MICU1: variants seen among roughly 807,000 people sequenced by gnomAD.
MICU1 encodes mitochondrial calcium uptake 1.
In MICU1, 45 loss-of-function variants were observed where a neutral mutation model predicts 56.8. The ratio of observed to expected loss-of-function variants is 0.79; its 90% CI spans 0.62 to 1.02. The LOEUF is 1.02. MICU1 is among the 50% of genes least tolerant of loss of function. MICU1 has a pLI of 0.00. For missense variants in MICU1, 504 were observed against 587.1 expected, an observed-to-expected ratio of 0.86 and a Z score of 1.46; for synonymous variants, 186 against 195.1, an observed-to-expected ratio of 0.95 and a Z score of 0.39.
chr10:72,416,399 A>G (rs1863985100), intron 9 of MICU1, among the ~76,000 whole-genome samples: 1 of 152,162 alleles, frequency 6.6e-6, no homozygotes, highest in Non-Finnish European at 1.5e-5. Flanking sequence ...GGCACCTAAT[A>G]TTTGGAGTTA....
chr10:72,430,598 T>G (rs1441446294), intron 8 of MICU1, among the ~76,000 whole-genome samples: 2 of 152,212 alleles, frequency 1.3e-5, no homozygotes, highest in Non-Finnish European at 2.9e-5. Context: ...TCTCGCTCTG[T>G]TGCCCAGGCT....
At chr10:72,507,768 C>G (rs1258821374) in intron 6 of MICU1, among the ~76,000 whole-genome samples, 1 of 152,060 alleles carries the variant, frequency 6.6e-6, no homozygotes, top group Non-Finnish European at 1.5e-5. Flanking sequence ...ACTTCAGCCT[C>G]CTAAGTAGCT....
chr10:72,530,268 G>C (rs1033841523), intron 5 of MICU1, among the ~76,000 whole-genome samples: 6 of 150,280 alleles, frequency 4.0e-5, no homozygotes, highest in Admixed American at 6.6e-5. Flanking sequence ...AGGAGGCAGA[G>C]GTTGCAGTGG....
chr10:72,371,473 T>G (rs1431212247), intron 11 of MICU1, among the ~76,000 whole-genome samples: 2 of 150,648 alleles, frequency 1.3e-5, no homozygotes, highest in East Asian at 3.9e-4. Flanking sequence ...CCAGGCACGG[T>G]GCCTCACGCC....
intron 1 of MICU1, among the ~76,000 whole-genome samples, chr10:72,579,941 A>C (rs1473542336): frequency 6.6e-6 from 1 of 152,104 alleles, no homozygotes; most frequent in Non-Finnish European, 1.5e-5. Context: ...CAAAAATCAA[A>C]AAAAAAAAAA....
At chr10:72,576,793 A>C (rs1350876410) in intron 1 of MICU1, among the ~76,000 whole-genome samples, 1 of 152,088 alleles carries the variant, frequency 6.6e-6, no homozygotes, top group Non-Finnish European at 1.5e-5. Flanking sequence ...GGACAGGCTG[A>C]CTCTCTTGTT....
chr10:72,492,380 A>C (rs1336560751), intron 6 of MICU1, among the ~76,000 whole-genome samples: 1 of 152,232 alleles, frequency 6.6e-6, no homozygotes, highest in African/African-American at 2.4e-5. Context: ...TAGCGAGTGT[A>C]GTGAAAAATG....
rs1354104630 is a variant in MICU1, at chr10:72,475,199, G to T, written c.834C>A (p.Leu278=). 12 of 1,611,156 alleles carry T rather than the reference G, an allele frequency of 7.4e-6. No homozygotes were observed. In the South Asian group the frequency reaches 1.2e-4, roughly 16 times the overall value. ...NTLKSGLCSA[L]TTYFFGADLK... ...GATCAGCTCCAAAAAAGTAGGTTGT[G>T]AGGGCTGAACACAAGCCAGACTTGA... The change falls in exon 8 of 12, where the codon CTC becomes CTA. Residue 278 remains leucine (L), a synonymous_variant. Coordinates refer to ENST00000361114, the MANE Select transcript of MICU1 (RefSeq NM_001195518.2).
chr10:72,448,139 GTGTGTGTGTGTC>G lies in MICU1; in HGVS notation c.934-24780_934-24769del, dbSNP rs1278774479. The stretch of plus-strand genomic sequence containing the variant: ...TATATATATGTGTGTGTGTGTGTGT[GTGTGTGTGTGTC>G]TGTGTGTGTGTATATGTGTGTGTAT... On this transcript the variant is annotated intron_variant, in intron 8 of 11. Transcript: ENST00000361114. Among the ~76,000 whole-genome samples the G allele has an allele frequency of 4.5e-5, 6 of 133,068 alleles. No homozygotes were observed. The Admixed American group carries it at 4.7e-4, about 11-fold the overall frequency. The allele number at this position is 133,068 out of a possible 152,430, so 87.3% of individuals were successfully genotyped here.
chr10:72,385,078 C>CCT, intron 10 of MICU1, among the ~76,000 whole-genome samples: 1 of 152,230 alleles, frequency 6.6e-6, no homozygotes, highest in Non-Finnish European at 1.5e-5. Context: ...CGATGTAATT[C>CCT]TCTAGGTCCT....
intron 11 of MICU1, among the ~76,000 whole-genome samples, chr10:72,371,608 G>A (rs1048354135): frequency 6.6e-6 from 1 of 152,200 alleles, no homozygotes; most frequent in South Asian, 2.1e-4. Context: ...GCCAGGCGTG[G>A]TGGTGGGCAC....
At chr10:72,416,880 A>G (rs1863999060) in intron 9 of MICU1, among the ~76,000 whole-genome samples, 1 of 152,184 alleles carries the variant, frequency 6.6e-6, no homozygotes, top group South Asian at 2.1e-4. Context: ...GCCACCATAC[A>G]GAGGACATGC....
chr10:72,487,474 TGAC>T (rs1866512128), intron 6 of MICU1, among the ~76,000 whole-genome samples: 1 of 152,130 alleles, frequency 6.6e-6, no homozygotes, highest in African/African-American at 2.4e-5. Context: ...CAGCGTGTCC[TGAC>T]GACAAAGCAC....
At chr10:72,400,932 C>G (rs976916764) in intron 10 of MICU1, among the ~76,000 whole-genome samples, 1 of 151,006 alleles carries the variant, frequency 6.6e-6, no homozygotes, top group Non-Finnish European at 1.5e-5. Flanking sequence ...ACTTGTTTTT[C>G]AAAAGATTCT....
At chr10:72,588,496 T>A (rs1014001738) in intron 1 of MICU1, among the ~76,000 whole-genome samples, 1 of 152,140 alleles carries the variant, frequency 6.6e-6, no homozygotes, top group African/African-American at 2.4e-5. Flanking sequence ...CCACTAAGAA[T>A]AGGAACAATG....
chr10:72,437,710 A>G (rs1258866316), intron 8 of MICU1, among the ~76,000 whole-genome samples: 1 of 152,212 alleles, frequency 6.6e-6, no homozygotes, highest in African/African-American at 2.4e-5. Context: ...AAGATCTACC[A>G]AGGAAACGGA....
chr10:72,429,394 T>C lies in MICU1; in HGVS notation c.934-6023A>G, dbSNP rs184317903. ...AAGATCGTGCCACTGCACTCCAGCC[T>C]GGGTGACAGAGCGAGATCCTGCCTC... On this transcript the variant is annotated intron_variant, in intron 8 of 11. Coordinates refer to ENST00000361114, the MANE Select transcript of MICU1 (RefSeq NM_001195518.2). Among the ~76,000 whole-genome samples the C allele has an allele frequency of 7.7e-3, 1,030 of 133,908 alleles. 13 individuals carry two copies. Among genetic ancestry groups the C allele is most frequent in the African/African-American group, 0.028 (969 of 34,016 alleles). 87.8% of individuals were successfully genotyped at this position (133,908 alleles called of 152,430 possible).
In MICU1 at chr10:72,368,286, T is replaced by A. The variant is rs1210956213; in HGVS notation, c.1340A>T (p.Lys447Met). 1.2e-6 allele frequency: 2 copies of A among 1,614,004 alleles called. No homozygotes were observed. Among genetic ancestry groups the A allele is most frequent in the African/African-American group, 2.7e-5 (2 of 75,034 alleles). Residue 447 changes from lysine (K) to methionine (M), a missense_variant, in exon 12 of 12, where the codon AAG becomes ATG. Lys to Met is a moderately conservative substitution (Grantham distance 95, BLOSUM62 -1). Coordinates refer to ENST00000361114, the MANE Select transcript of MICU1 (RefSeq NM_001195518.2). Reference sequence around the variant, plus strand: ...GCGAGTGAAACCCATGTCTTTGGGCTTTTCCAGGCCTCTCATCAGCCGTTG... The same window carrying A: ...GCGAGTGAAACCCATGTCTTTGGGCATTTCCAGGCCTCTCATCAGCCGTTG... ...MKQRLMRGLEKPKDMGFTRLM... is the reference protein window; with the variant it reads ...MKQRLMRGLEMPKDMGFTRLM...
chr10:72,384,444 T>C (rs373692192), intron 10 of MICU1, among the ~76,000 whole-genome samples: 1 of 152,190 alleles, frequency 6.6e-6, no homozygotes, highest in South Asian at 2.1e-4. Context: ...TTTTTCTCAG[T>C]GGGATGTAAT....
Sources: allele counts gnomAD v4.1 joint callset (sites outside exome capture counted in the v4.1 genomes callset), GRCh38; gene constraint gnomAD v4.1.1; transcripts MANE v1.5; gene names NCBI Gene and HGNC (gene_info 2026-07-23, HGNC 2026-07-21).